Variants in MBNL2 observed in about 807,000 individuals in gnomAD.
MBNL2 encodes the protein muscleblind like splicing regulator 2.
In MBNL2, 17 loss-of-function variants were observed where a neutral mutation model predicts 41.9. The observed-to-expected ratio is 0.41, with a 90% CI of 0.28 to 0.61. The LOEUF is 0.61. MBNL2 is among the 20% of genes least tolerant of loss of function. The probability of loss-of-function intolerance (pLI) is 0.35; values close to 1 mark genes in which losing one functional copy is unlikely to be tolerated. For missense variants in MBNL2, 336 were observed against 505.6 expected (o/e 0.66, Z 3.22); for synonymous variants, 195 against 182.9 (o/e 1.07, Z -0.53).
At chr13:97,175,421 G>A in the MBNL2 span, among the ~76,000 whole-genome samples, 5 of 152,134 alleles carry the variant, frequency 3.3e-5, no homozygotes, top group Admixed American at 1.3e-4. Flanking sequence ...CCAGGAAAAC[G>A]GGTGCAAAGA....
At chr13:97,317,912 A>T (rs1236961397) in intron 2 of MBNL2, among the ~76,000 whole-genome samples, 1 of 152,192 alleles carries the variant, frequency 6.6e-6, no homozygotes, top group African/African-American at 2.4e-5. Flanking sequence ...TGCATTGCAG[A>T]TTTATGTATG....
intron 7 of MBNL2, among the ~76,000 whole-genome samples, chr13:97,361,618 C>T (rs2063394972): frequency 6.6e-6 from 1 of 152,096 alleles, no homozygotes; most frequent in Admixed American, 6.5e-5. Context: ...CATGACTGAT[C>T]CTAGCCCAGT....
chr13:97,365,273 G>C, intron 8 of MBNL2, 102 bp downstream of exon 8: 1 of 829,082 alleles, frequency 1.2e-6, no homozygotes, highest in Non-Finnish European at 2.1e-6. Context: ...GGAAATAGTA[G>C]ATTTGAAGGC....
chr13:97,194,529 C>T, the MBNL2 span, among the ~76,000 whole-genome samples: 3 of 152,144 alleles, frequency 2.0e-5, no homozygotes, highest in African/African-American at 4.8e-5. Context: ...ATAGCAACTT[C>T]GTCTTGAATA....
the MBNL2 span, among the ~76,000 whole-genome samples, chr13:97,193,268 C>G: frequency 6.6e-6 from 1 of 152,252 alleles, no homozygotes; most frequent in East Asian, 1.9e-4. Context: ...ACATTCCAGC[C>G]TGGGGGCAAA....
rs201084754 is a variant in MBNL2 at position 97,276,368 on chromosome 13, G to A, written c.133G>A (p.Val45Ile). Reference protein sequence around the residue: ...KFAHPPKSCQVENGRVIACFD... With the variant: ...KFAHPPKSCQIENGRVIACFD... ...TGCTCATCCCCCCAAAAGTTGTCAG[G>A]TTGAAAATGGAAGAGTAATTGCCTG... The change falls in exon 2 of 9, where the codon GTT (valine) becomes ATT (isoleucine). Residue 45 changes from valine to isoleucine, a missense_variant. Coordinates refer to ENST00000679496, the MANE Select transcript of MBNL2 (RefSeq NM_001382683.1). 30 of 1,614,096 alleles carry A rather than the reference G, an allele frequency of 1.9e-5. No homozygotes were observed. In the East Asian group the frequency reaches 6.5e-4, roughly 35 times the overall value.
chr13:97,252,149 C>T lies in MBNL2; in HGVS notation c.-604-23483C>T, dbSNP rs1013218445. On this transcript the variant is annotated intron_variant, in intron 1 of 8. Transcript: ENST00000679496. ...ACAGGCGTGAGCCACCGCGCCCGGC[C>T]GTATCCTCAATTCTTATATATACTG... 1.7e-4 allele frequency among the ~76,000 whole-genome samples: 26 copies of T among 152,190 alleles called. No individual in the cohort carries two copies. In the Middle Eastern group the frequency reaches 0.01, roughly 60 times the overall value.
At chr13:97,259,583 G>T (rs955670022) in intron 1 of MBNL2, among the ~76,000 whole-genome samples, 9 of 152,230 alleles carry the variant, frequency 5.9e-5, no homozygotes, top group South Asian at 2.1e-4. Context: ...GGCTCAAAAG[G>T]CCTGCTGACA....
At chr13:97,210,565 CTG>C in the MBNL2 span, among the ~76,000 whole-genome samples, 209 of 125,212 alleles carry the variant, frequency 1.7e-3, 3 homozygotes, top group African/African-American at 6.3e-3. Context: ...TTCTATACAA[CTG>C]TGAATTTTTT....
the MBNL2 span, among the ~76,000 whole-genome samples, chr13:97,199,199 T>G: frequency 6.6e-6 from 1 of 152,220 alleles, no homozygotes; most frequent in Non-Finnish European, 1.5e-5. Flanking sequence ...TCCAGAGATC[T>G]GAGAACTGGC....
At chr13:97,285,855 C>G (rs1395039590) in intron 2 of MBNL2, among the ~76,000 whole-genome samples, 1 of 152,186 alleles carries the variant, frequency 6.6e-6, no homozygotes, top group Non-Finnish European at 1.5e-5. Context: ...TCATTGGCCA[C>G]TCTTCTGTCT....
At chr13:97,373,644 G>T (rs1566448382) in intron 8 of MBNL2, among the ~76,000 whole-genome samples, 2 of 150,208 alleles carry the variant, frequency 1.3e-5, no homozygotes, top group East Asian at 1.9e-4. Flanking sequence ...GGAGGAGGTT[G>T]GGGGATACTC....
At position 97,346,767 on chromosome 13, in the gene MBNL2, C is replaced by A; in HGVS notation, c.541-37C>A. 6.3e-7 allele frequency: 1 copy of A among 1,599,374 alleles called. No individual in the cohort carries two copies. Among genetic ancestry groups the A allele is most frequent in the South Asian group, 1.1e-5 (1 of 89,176 alleles). Reference sequence around the variant, plus strand: ...GGCCGCAGGGGCGCCTGGGCTCAGGCTTGCCTCTGCAGCGCGGCTCTTCTT... The same window carrying A: ...GGCCGCAGGGGCGCCTGGGCTCAGGATTGCCTCTGCAGCGCGGCTCTTCTT... On this transcript the variant is annotated intron_variant, in intron 4 of 8. Coordinates refer to ENST00000679496, the MANE Select transcript of MBNL2 (RefSeq NM_001382683.1). The surrounding 1 kb of genome is among the most constrained non-coding windows in gnomAD (Gnocchi z 4.2).
chr13:97,168,018 T>G, the MBNL2 span, among the ~76,000 whole-genome samples: 1 of 152,140 alleles, frequency 6.6e-6, no homozygotes, highest in Non-Finnish European at 1.5e-5. Flanking sequence ...CAGGCTGGAG[T>G]GCAATGGCAC....
At position 97,268,907 on chromosome 13, in the gene MBNL2, G is replaced by A. The variant is rs1039020090; in HGVS notation, c.-604-6725G>A. ...TAATGACCAGGCAGTATTAAAGATG[G>A]GCTGTAGGAGAGGGTGTCAAAAGGG... On this transcript the variant is annotated intron_variant, in intron 1 of 8. Coordinates refer to ENST00000679496, the MANE Select transcript of MBNL2 (RefSeq NM_001382683.1). The surrounding 1 kb of genome is among the most constrained non-coding windows in gnomAD (Gnocchi z 4.6). 2.6e-5 allele frequency among the ~76,000 whole-genome samples: 4 copies of A among 152,310 alleles called. No homozygotes were observed. Among genetic ancestry groups the A allele is most frequent in the African/African-American group, 9.6e-5 (4 of 41,558 alleles).
the MBNL2 span, among the ~76,000 whole-genome samples, chr13:97,173,400 T>A: frequency 2.6e-5 from 4 of 152,220 alleles, no homozygotes; most frequent in East Asian, 7.7e-4. Context: ...TGGTTCCCAC[T>A]ATGCAGGAAG....
intron 7 of MBNL2, among the ~76,000 whole-genome samples, chr13:97,358,349 G>T (rs1228490995): frequency 6.6e-6 from 1 of 152,050 alleles, no homozygotes; most frequent in African/African-American, 2.4e-5. Flanking sequence ...TTTCCAAGGT[G>T]CCACAACTAA....
chr13:97,192,845 G>C, the MBNL2 span, among the ~76,000 whole-genome samples: 3 of 152,224 alleles, frequency 2.0e-5, no homozygotes, highest in African/African-American at 7.2e-5. Context: ...AAGTCAAGGT[G>C]TGTATGGATG....
At position 97,384,776 on chromosome 13, in the gene MBNL2, A is replaced by C. The variant is rs533958708; in HGVS notation, c.1049-6546A>C. On this transcript the variant is annotated intron_variant, in intron 8 of 8. Transcript: ENST00000679496. Reference sequence around the variant, plus strand: ...GCAGTGAAATATTATTAATATCTTTAACTGCCTTCTGGGGAAACAGGGCCT... The same window carrying C: ...GCAGTGAAATATTATTAATATCTTTCACTGCCTTCTGGGGAAACAGGGCCT... 3.3e-5 allele frequency among the ~76,000 whole-genome samples: 5 copies of C among 152,306 alleles called. No individual in the cohort carries two copies. In the East Asian group the frequency reaches 9.6e-4, roughly 29 times the overall value.
Sources: gnomAD v4.1 joint callset for allele counts (sites outside exome capture counted in the v4.1 genomes callset) on GRCh38, gnomAD v4.1.1 for gene constraint, Gnocchi (gnomAD v3.1) non-coding constraint, MANE v1.5 for transcripts, NCBI Gene and HGNC (gene_info 2026-07-23, HGNC 2026-07-21) for gene names.